Variants in TMIGD1 observed in about 807,000 individuals in gnomAD.
The protein encoded by TMIGD1 is transmembrane and immunoglobulin domain-containing protein 1.
A neutral mutation model predicts 27.5 loss-of-function variants in TMIGD1; 29 were observed. That is an observed-to-expected ratio of 1.05 (90% CI 0.78 to 1.44). The LOEUF (loss-of-function observed/expected upper bound fraction) is 1.44. Among genes scored for constraint, TMIGD1 ranks in the 40% most tolerant of loss-of-function variants. TMIGD1 has a pLI of 0.00. For synonymous variants in TMIGD1, 109 were observed against 110.3 expected, an observed-to-expected ratio of 0.99 and a Z score of 0.07; for missense variants, 334 against 310.6, an observed-to-expected ratio of 1.08 and a Z score of -0.57.
intron 6 of TMIGD1, chr17:30,316,915 G>A (rs1956693584): frequency 1.6e-6 from 1 of 628,060 alleles, no homozygotes; most frequent in Admixed American, 2.8e-5. Context: ...TTCCTCCAGA[G>A]CATTTGCATT....
chr17:30,319,261 A>AAAATATATATATATATATATATATAT, intron 4 of TMIGD1, among the ~76,000 whole-genome samples: 9 of 69,034 alleles, frequency 1.3e-4, no homozygotes, highest in African/African-American at 4.5e-4. Context: ...AAAAAAAAAA[A>AAAATATATATATATATATATATATAT]ATATATATAT....
intron 4 of TMIGD1, among the ~76,000 whole-genome samples, chr17:30,319,261 A>AAAAAAAAAAAAATATATAT: frequency 1.4e-5 from 1 of 69,046 alleles, no homozygotes; most frequent in Non-Finnish European, 2.6e-5. Flanking sequence ...AAAAAAAAAA[A>AAAAAAAAAAAAATATATAT]ATATATATAT....
At chr17:30,329,788 A>T (rs953463736) in intron 2 of TMIGD1, among the ~76,000 whole-genome samples, 1 of 152,146 alleles carries the variant, frequency 6.6e-6, no homozygotes, top group Non-Finnish European at 1.5e-5. Flanking sequence ...TTTAAAAAGT[A>T]CTGATGTAGC....
intron 4 of TMIGD1, 68 bp from the exon 5 acceptor site, chr17:30,318,981 G>A (rs1909513778): frequency 1.8e-6 from 2 of 1,141,254 alleles, no homozygotes; most frequent in African/African-American, 1.5e-5. Context: ...CCCAGCAATG[G>A]TGCCTTGAAC....
chr17:30,329,965 C>T (rs1458915468), intron 2 of TMIGD1, among the ~76,000 whole-genome samples: 2 of 151,300 alleles, frequency 1.3e-5, no homozygotes, highest in Non-Finnish European at 2.9e-5. Context: ...TGCACCCATA[C>T]TTTTAGCTAC....
intron 2 of TMIGD1, among the ~76,000 whole-genome samples, chr17:30,330,759 T>A (rs1295431731): frequency 6.6e-6 from 1 of 152,248 alleles, no homozygotes; most frequent in Non-Finnish European, 1.5e-5. Flanking sequence ...CATTGCATAG[T>A]AATACACCTG....
At chr17:30,330,756 T>C (rs1336006255) in intron 2 of TMIGD1, among the ~76,000 whole-genome samples, 1 of 152,216 alleles carries the variant, frequency 6.6e-6, no homozygotes. Context: ...ATTCATTGCA[T>C]AGTAATACAC....
At chr17:30,319,402 G>T (rs1909543485) in intron 4 of TMIGD1, among the ~76,000 whole-genome samples, 1 of 137,400 alleles carries the variant, frequency 7.3e-6, no homozygotes, top group Non-Finnish European at 1.5e-5. Flanking sequence ...TCCAGTCTGG[G>T]TGACAGAGCA....
intron 4 of TMIGD1, among the ~76,000 whole-genome samples, chr17:30,322,995 C>A (rs1909667482): frequency 6.6e-6 from 1 of 152,052 alleles, no homozygotes; most frequent in Admixed American, 6.6e-5. Flanking sequence ...CATGGCAAGA[C>A]CTCCTCTCTA....
intron 4 of TMIGD1, among the ~76,000 whole-genome samples, chr17:30,320,135 T>C (rs1909571122): frequency 6.6e-6 from 1 of 151,998 alleles, no homozygotes; most frequent in Non-Finnish European, 1.5e-5. Context: ...CCTCCCAGGT[T>C]CAAGTAATTC....
intron 4 of TMIGD1, among the ~76,000 whole-genome samples, chr17:30,320,355 A>G (rs764636151): frequency 1.3e-5 from 2 of 152,132 alleles, no homozygotes; most frequent in Non-Finnish European, 2.9e-5. Flanking sequence ...TTTATTTATC[A>G]GTCACTATAG....
At chr17:30,319,261 A>AAAAAATATATATATATAT in intron 4 of TMIGD1, among the ~76,000 whole-genome samples, 5 of 69,044 alleles carry the variant, frequency 7.2e-5, no homozygotes, top group Admixed American at 1.5e-4. Flanking sequence ...AAAAAAAAAA[A>AAAAAATATATATATATAT]ATATATATAT....
chr17:30,327,029 A>G (rs775475429), intron 3 of TMIGD1, among the ~76,000 whole-genome samples: 1 of 149,570 alleles, frequency 6.7e-6, no homozygotes, highest in African/African-American at 2.5e-5. Context: ...ATTATGGATT[A>G]CTGAGCAATT....
At position 30,329,297 on chromosome 17, in the gene TMIGD1, C is replaced by T. The variant is rs1909893824; in HGVS notation, c.315G>A (p.Leu105=). 1 of 1,614,008 alleles carries T rather than the reference C, an allele frequency of 6.2e-7. No homozygotes were observed. Among genetic ancestry groups the T allele is most frequent in the Admixed American group, 1.7e-5 (1 of 59,988 alleles). Residue 105 remains leucine (L), a synonymous_variant, in exon 3 of 7, where the codon CTG becomes CTA. Coordinates refer to ENST00000328886, the MANE Select transcript of TMIGD1 (RefSeq NM_206832.3). ...NDNGISFTCR[L]GRDQSVSVSV... ...AAACGGACACGGACTGATCCCTCCC[C>T]AGCCTGCAGGTAAAGCTGATTCCGT...
intron 2 of TMIGD1, among the ~76,000 whole-genome samples, chr17:30,330,398 T>C (rs1186083264): frequency 2.0e-5 from 3 of 152,004 alleles, no homozygotes; most frequent in African/African-American, 7.3e-5. Context: ...GGATTGAAAG[T>C]GGGAAAGCAA....
rs1303465969 is a variant in TMIGD1, at chr17:30,329,482, T to C, written c.130A>G (p.Thr44Ala). 1.3e-5 allele frequency: 21 copies of C among 1,613,936 alleles called. No individual in the cohort carries two copies. The highest frequency in any genetic ancestry group is 1.6e-5 in the Non-Finnish European group (19 of 1,179,968). The change falls in exon 3 of 7, where the codon ACT becomes GCT. Residue 44 changes from threonine to alanine, a missense_variant. Coordinates refer to ENST00000328886, the MANE Select transcript of TMIGD1 (RefSeq NM_206832.3). The part of the protein sequence containing the change: ...NGKTENYILD[T>A]TPGSQASLIC... ...AGAGATGCTTGGGAGCCAGGTGTAG[T>C]ATCCAGGATATAGTTCTCAGTTTTA...
intron 2 of TMIGD1, among the ~76,000 whole-genome samples, chr17:30,329,904 C>G (rs111980356): frequency 3.0e-3 from 423 of 141,640 alleles, no homozygotes; most frequent in African/African-American, 0.01. Context: ...GACTCCGTCT[C>G]TACAAAAAAT....
intron 4 of TMIGD1, among the ~76,000 whole-genome samples, chr17:30,319,249 G>GAAAAAAAAAAA (rs1201681602): frequency 4.8e-4 from 34 of 70,882 alleles, no homozygotes; most frequent in African/African-American, 1.1e-3. Context: ...AAAAAAAAAA[G>GAAAAAAAAAAA]AAAAAAAAAA....
Position 30,316,395 on chromosome 17 carries a change from A to AT in TMIGD1, c.*291_*292insA. 1 of 303,028 alleles carries AT rather than the reference A, an allele frequency of 3.3e-6. No individual in the cohort carries two copies. Among genetic ancestry groups the AT allele is most frequent in the Non-Finnish European group, 6.0e-6 (1 of 166,870 alleles). 18.8% of individuals were successfully genotyped at this position (303,028 alleles called of 1,614,324 possible). ...CCCAAGTATCTCCTACCTAGAAAAA[A>AT]AACACACTAAACAGTAAATGATTAC... On this transcript the variant is annotated 3_prime_UTR_variant, in exon 7 of 7. Coordinates refer to ENST00000328886, the MANE Select transcript of TMIGD1 (RefSeq NM_206832.3).
Sources: allele counts gnomAD v4.1 joint callset (sites outside exome capture counted in the v4.1 genomes callset), GRCh38; gene constraint gnomAD v4.1.1; transcripts MANE v1.5; gene names NCBI Gene and HGNC (gene_info 2026-07-23, HGNC 2026-07-21).